The following BBS7 variants were observed in gnomAD, a reference collection of about 807,000 sequenced individuals.
BBS7 encodes Bardet-Biedl syndrome 7.
In BBS7, 50 loss-of-function variants were observed where a neutral mutation model predicts 90.3. That is an observed-to-expected ratio of 0.55 (90% CI 0.44 to 0.70). The LOEUF (loss-of-function observed/expected upper bound fraction) is 0.70, where lower values mean the gene tolerates loss of function less well. Among genes scored for constraint, BBS7 ranks in the 30% least tolerant of loss-of-function variants. The pLI, the probability that BBS7 is intolerant of heterozygous loss-of-function variation, is 0.00. For missense variants in BBS7, 729 were observed against 838.9 expected, an observed-to-expected ratio of 0.87 and a Z score of 1.62; for synonymous variants, 235 against 287.4, an observed-to-expected ratio of 0.82 and a Z score of 1.85.
At chr4:121,834,944 A>C (rs1487999795) in intron 14 of BBS7, among the ~76,000 whole-genome samples, 200 bp downstream of exon 14, 1 of 152,198 alleles carries the variant, frequency 6.6e-6, no homozygotes, top group South Asian at 2.1e-4. Context: ...GAAAGATGGG[A>C]AAGTCCAACT....
chr4:121,829,682 C>G (rs1725088117), intron 15 of BBS7, among the ~76,000 whole-genome samples: 1 of 152,188 alleles, frequency 6.6e-6, no homozygotes, highest in Non-Finnish European at 1.5e-5. Context: ...TTCCATACCC[C>G]TGACCACAGT....
At chr4:121,859,785 T>C (rs1276860488) in intron 4 of BBS7, among the ~76,000 whole-genome samples, 6 of 152,050 alleles carry the variant, frequency 3.9e-5, no homozygotes, top group Admixed American at 6.5e-5. Context: ...AAAGATTTCA[T>C]TAGAACTTTA....
Position 121,845,505 on chromosome 4 carries a change from T to C in BBS7, c.1229A>G (p.Gln410Arg), listed in dbSNP as rs756420408. ...VQTAIDNVLI[Q>R]SDVPIDLLDV... is the part of the protein sequence containing the mutation. ...TAAGAAATTAGACATTTTGCTTACCTGTATTAAGACATTATCTATTGCAGT... is the reference window on the plus strand; with the variant it reads ...TAAGAAATTAGACATTTTGCTTACCCGTATTAAGACATTATCTATTGCAGT... Residue 410 changes from glutamine to arginine, a missense_variant and splice_region_variant, in exon 11 of 19, where the codon CAG becomes CGG. By Grantham distance (43) the Gln-to-Arg change is conservative. Coordinates refer to ENST00000264499, the MANE Select transcript of BBS7 (RefSeq NM_176824.3). 6.2e-7 allele frequency: 1 copy of C among 1,608,822 alleles called. No individual in the cohort carries two copies. The highest frequency in any genetic ancestry group is 1.1e-5 in the South Asian group (1 of 90,590).
At chr4:121,858,834 A>C (rs1726824334) in intron 5 of BBS7, 158 bp downstream of exon 5, 5 of 715,206 alleles carry the variant, frequency 7.0e-6, no homozygotes, top group Non-Finnish European at 1.1e-5. Context: ...CATTTGACTC[A>C]AGTTAAAAAA....
In BBS7 at chr4:121,862,293, AT is replaced by A. The variant is rs1275262433; in HGVS notation, c.166-615del. ...ACTGAAAACAATATTCATTTCATTA[AT>A]TTTTTTGTGGTTATTTTCCATTTTA... On this transcript the variant is annotated intron_variant, in intron 3 of 18. Transcript: ENST00000264499. 3.3e-5 allele frequency among the ~76,000 whole-genome samples: 5 copies of A among 152,078 alleles called. No individual in the cohort carries two copies. In the East Asian group the frequency reaches 9.6e-4, roughly 29 times the overall value.
intron 14 of BBS7, 120 bp downstream of exon 14, chr4:121,835,024 C>T: frequency 1.0e-6 from 1 of 973,158 alleles, no homozygotes; most frequent in Non-Finnish European, 1.5e-6. Flanking sequence ...AATATTTAAA[C>T]TGTTTATTTA....
intron 5 of BBS7, among the ~76,000 whole-genome samples, chr4:121,855,914 A>ATG (rs1578560603): frequency 3.8e-5 from 5 of 130,092 alleles, no homozygotes; most frequent in South Asian, 2.1e-4. Flanking sequence ...ATATATGTAT[A>ATG]TATGTGTACA....
rs1342336710 is a variant in BBS7 at position 121,828,164 on chromosome 4, G to A, written c.1996C>T (p.His666Tyr). ...CACTAACCATAGAGTCTTTCAAGAT[G>A]TGCAGGTTGCTTTTTGTATTCTTCC... ...LQEEYKKQPA[H>Y]LERLYGMITD... The change falls in exon 18 of 19, where the codon CAT becomes TAT. Residue 666 changes from histidine (H) to tyrosine (Y), a missense_variant. Coordinates refer to ENST00000264499, the MANE Select transcript of BBS7 (RefSeq NM_176824.3). The A allele has an allele frequency of 3.1e-6, 5 of 1,613,736 alleles. No individual in the cohort carries two copies. Among genetic ancestry groups the A allele is most frequent in the African/African-American group, 1.3e-5 (1 of 74,908 alleles).
chr4:121,842,272 A>G (rs1174295094), intron 12 of BBS7, among the ~76,000 whole-genome samples: 1 of 149,368 alleles, frequency 6.7e-6, no homozygotes, highest in African/African-American at 2.5e-5. Flanking sequence ...AAAAAAAAAG[A>G]AAAAGAAAAT....
Position 121,828,611 on chromosome 4 carries a change from T to A in BBS7, c.1786+8A>T. The A allele has an allele frequency of 6.4e-7, 1 of 1,571,392 alleles. No homozygotes were observed. The highest frequency in any genetic ancestry group is 1.3e-5 in the African/African-American group (1 of 74,096). ...CATCAGAAAGAATTATTAATTTTGT[T>A]TGTTTACCGTATGATATGTTGAGGT... On this transcript the variant is annotated splice_region_variant and intron_variant, in intron 16 of 18. Coordinates refer to ENST00000264499, the MANE Select transcript of BBS7 (RefSeq NM_176824.3).
At chr4:121,854,644 T>A in intron 7 of BBS7, 60 bp downstream of exon 7, 1 of 1,494,280 alleles carries the variant, frequency 6.7e-7, no homozygotes, top group South Asian at 1.3e-5. Context: ...ATAAATTATA[T>A]AATTTAAGAT....
rs371497491 is a variant in BBS7 at position 121,863,201 on chromosome 4, A to G, written c.165+16T>C. On this transcript the variant is annotated intron_variant, in intron 3 of 18. Coordinates refer to ENST00000264499, the MANE Select transcript of BBS7 (RefSeq NM_176824.3). ...TTTTAGAAAACCATTTTTCCCCTTCACAAAGCTATACTTACTGCTGCTTCT... is the reference window on the plus strand; with the variant it reads ...TTTTAGAAAACCATTTTTCCCCTTCGCAAAGCTATACTTACTGCTGCTTCT... 6.4e-5 allele frequency: 103 copies of G among 1,612,652 alleles called. No homozygotes were observed. The African/African-American group carries it at 1.3e-3, about 20-fold the overall frequency.
At chr4:121,869,049 A>G (rs1246129483) in intron 1 of BBS7, among the ~76,000 whole-genome samples, 1 of 152,174 alleles carries the variant, frequency 6.6e-6, no homozygotes, top group East Asian at 1.9e-4. Flanking sequence ...CAGGAGCCCA[A>G]TTTGGAGGTT....
chr4:121,829,337 C>T (rs970375690), intron 15 of BBS7, among the ~76,000 whole-genome samples: 13 of 151,506 alleles, frequency 8.6e-5, no homozygotes, highest in African/African-American at 2.7e-4. Flanking sequence ...TGGGTTCAAG[C>T]GATTCTCCTG....
At chr4:121,868,736 C>T (rs1319171601) in intron 1 of BBS7, among the ~76,000 whole-genome samples, 1 of 100,554 alleles carries the variant, frequency 9.9e-6, no homozygotes, top group Non-Finnish European at 2.0e-5. Flanking sequence ...TGCTAAAATA[C>T]CAAATATGAT....
At chr4:121,855,317 CAAAAAA>C in intron 6 of BBS7, 166 bp downstream of exon 6, 1 of 622,908 alleles carries the variant, frequency 1.6e-6, no homozygotes, top group Non-Finnish European at 2.8e-6. Flanking sequence ...CCCAGCCCCC[CAAAAAA>C]GAAAAAAACG....
At position 121,825,560 on chromosome 4, in the gene BBS7, A is replaced by G; in HGVS notation, c.*300T>C. ...CTTGTAATACATTTGAATATATTTT[A>G]ATTTTCCACATATTACTTCTCAATT... On this transcript the variant is annotated 3_prime_UTR_variant, in exon 19 of 19. Coordinates refer to ENST00000264499, the MANE Select transcript of BBS7 (RefSeq NM_176824.3). 3.7e-6 allele frequency: 1 copy of G among 273,478 alleles called. No individual in the cohort carries two copies. The highest frequency in any genetic ancestry group is 5.5e-5 in the South Asian group (1 of 18,094). 16.9% of individuals were successfully genotyped at this position (273,478 alleles called of 1,614,324 possible). A position where few individuals can be genotyped will look rare whatever the true frequency, so the allele number is the denominator to read the frequency against.
At chr4:121,851,455 AAAG>A (rs1265772477) in intron 8 of BBS7, among the ~76,000 whole-genome samples, 2 of 151,218 alleles carry the variant, frequency 1.3e-5, no homozygotes, top group Non-Finnish European at 3.0e-5. Flanking sequence ...AGGGAGGGGA[AAAG>A]AAAGGGAAGA....
chr4:121,855,768 A>G (rs1216021284), intron 5 of BBS7, among the ~76,000 whole-genome samples: 2 of 148,898 alleles, frequency 1.3e-5, no homozygotes, highest in African/African-American at 5.0e-5. Flanking sequence ...ACACATATAT[A>G]CGTATAAATG....
Sources: gnomAD v4.1 joint callset for allele counts (sites outside exome capture counted in the v4.1 genomes callset) on GRCh38, gnomAD v4.1.1 for gene constraint, MANE v1.5 for transcripts, NCBI Gene and HGNC (gene_info 2026-07-23, HGNC 2026-07-21) for gene names.